The following CDIN1 variants were observed in gnomAD, a reference collection of about 807,000 sequenced individuals.
The protein encoded by CDIN1 is CDAN1-interacting nuclease 1.
CDIN1 carries 33 observed loss-of-function variants against 45.3 expected under a neutral mutation model. That is an observed-to-expected ratio of 0.73 (90% CI 0.55 to 0.97). The LOEUF (loss-of-function observed/expected upper bound fraction) is 0.97, where lower values mean the gene tolerates loss of function less well. Among genes scored for constraint, CDIN1 ranks in the 50% least tolerant of loss-of-function variants. CDIN1 has a pLI of 0.00. For missense variants in CDIN1, 303 were observed against 339.4 expected (o/e 0.89, Z 0.84); for synonymous variants, 118 against 124.4 (o/e 0.95, Z 0.34).
intron 10 of CDIN1, among the ~76,000 whole-genome samples, chr15:36,757,129 A>C (rs544325549): frequency 2.4e-4 from 37 of 152,304 alleles, no homozygotes; most frequent in African/African-American, 8.7e-4. Flanking sequence ...ATGGCTGTGC[A>C]GTACTCAGAG....
At chr15:36,657,715 G>C in intron 4 of CDIN1, 118 bp from the exon 5 acceptor site, 1 of 720,888 alleles carries the variant, frequency 1.4e-6, no homozygotes, top group Non-Finnish European at 2.2e-6. Context: ...AGATTTTAAT[G>C]AATGATGCTT....
intron 4 of CDIN1, 78 bp downstream of exon 4, chr15:36,654,236 A>G (rs1240272700): frequency 3.3e-6 from 4 of 1,217,120 alleles, no homozygotes; most frequent in Non-Finnish European, 2.3e-6. Context: ...GCTTACAATT[A>G]TAACTACCTT....
At position 36,731,312 on chromosome 15, in the gene CDIN1, A is replaced by G. The variant is rs143710915; in HGVS notation, c.716+21351A>G. ...ACCACTTCGAATTGTCAAAATAGGT[A>G]CTTAATTGCCCTTCATCCTTTTCAT... On this transcript the variant is annotated intron_variant, in intron 10 of 10. Coordinates refer to ENST00000566621, the MANE Select transcript of CDIN1 (RefSeq NM_001321759.2). Among the ~76,000 whole-genome samples the G allele has an allele frequency of 3.3e-5, 5 of 152,222 alleles. No homozygotes were observed. The East Asian group carries it at 5.8e-4, about 18-fold the overall frequency.
chr15:36,602,663 T>C (rs188086027), intron 1 of CDIN1, among the ~76,000 whole-genome samples: 1 of 152,152 alleles, frequency 6.6e-6, no homozygotes, highest in African/African-American at 2.4e-5. Flanking sequence ...GGTAAAGTGG[T>C]TCTAAAGTGA....
chr15:36,777,789 T>C (rs2054257517), intron 10 of CDIN1, among the ~76,000 whole-genome samples: 1 of 152,124 alleles, frequency 6.6e-6, no homozygotes, highest in Admixed American at 6.5e-5. Flanking sequence ...TTGTGTATTG[T>C]TTGTAGAGAT....
chr15:36,625,280 CAAA>C (rs899963579), intron 1 of CDIN1, among the ~76,000 whole-genome samples: 3 of 110,636 alleles, frequency 2.7e-5, no homozygotes, highest in Admixed American at 9.0e-5. Context: ...GACCCTGTCT[CAAA>C]AAAAAAAAAA....
chr15:36,676,312 C>A (rs775662343), intron 5 of CDIN1, among the ~76,000 whole-genome samples: 2 of 152,156 alleles, frequency 1.3e-5, no homozygotes, highest in Admixed American at 6.6e-5. Flanking sequence ...TTTGTGCCCC[C>A]TTTCCTTGAA....
At chr15:36,770,441 G>GATTATT (rs60700107) in intron 10 of CDIN1, among the ~76,000 whole-genome samples, 21 of 151,158 alleles carry the variant, frequency 1.4e-4, no homozygotes, top group African/African-American at 3.9e-4. Flanking sequence ...TGATGATGAT[G>GATTATT]ATTATTATTA....
intron 10 of CDIN1, among the ~76,000 whole-genome samples, chr15:36,759,362 T>A (rs1424458537): frequency 6.6e-6 from 1 of 152,176 alleles, no homozygotes; most frequent in Non-Finnish European, 1.5e-5. Flanking sequence ...TTTTGAATTA[T>A]TAGGTCTTGC....
chr15:36,652,425 C>T lies in CDIN1; in HGVS notation c.213-1673C>T, dbSNP rs765208028. 9.7e-4 allele frequency among the ~76,000 whole-genome samples: 147 copies of T among 152,086 alleles called. 3 individuals are homozygous for T. Among genetic ancestry groups the T allele is most frequent in the Admixed American group, 4.9e-3 (75 of 15,270 alleles). The stretch of plus-strand genomic sequence containing the variant: ...AGAATCAGAAACCATAGTAAATACG[C>T]ACTCTTGGTGGTTACAGGCACACAA... On this transcript the variant is annotated intron_variant, in intron 3 of 10. Coordinates refer to ENST00000566621, the MANE Select transcript of CDIN1 (RefSeq NM_001321759.2).
chr15:36,737,683 G>T (rs933923163), intron 10 of CDIN1, among the ~76,000 whole-genome samples: 3 of 152,142 alleles, frequency 2.0e-5, no homozygotes, highest in Non-Finnish European at 4.4e-5. Context: ...GGCTGCTTAT[G>T]AGTCAGAGGA....
chr15:36,750,279 C>T (rs1383835883), intron 10 of CDIN1, among the ~76,000 whole-genome samples: 1 of 152,092 alleles, frequency 6.6e-6, no homozygotes, highest in East Asian at 1.9e-4. Flanking sequence ...TGCAATTTTA[C>T]TCTATAAATC....
At chr15:36,636,495 T>C (rs2039902945) in intron 1 of CDIN1, among the ~76,000 whole-genome samples, 1 of 151,970 alleles carries the variant, frequency 6.6e-6, no homozygotes, top group Admixed American at 6.6e-5. Flanking sequence ...GAGCTTGCAG[T>C]GAGCCGAGAT....
intron 10 of CDIN1, among the ~76,000 whole-genome samples, chr15:36,713,906 A>G (rs1326835972): frequency 6.6e-6 from 1 of 152,018 alleles, no homozygotes; most frequent in African/African-American, 2.4e-5. Context: ...TTACTTGTCA[A>G]CCTCCTCCAA....
chr15:36,798,911 G>C (rs747127791), intron 10 of CDIN1: 1 of 152,212 alleles, frequency 6.6e-6, no homozygotes, highest in Admixed American at 6.5e-5. Flanking sequence ...GAGCAAGTCT[G>C]ATGGTTGATT....
rs1309634362 is a variant in CDIN1 at position 36,809,345 on chromosome 15, G to A, written c.*892G>A. 1 of 160,300 alleles carries A rather than the reference G, an allele frequency of 6.2e-6. No homozygotes were observed. Among genetic ancestry groups the A allele is most frequent in the Non-Finnish European group, 1.4e-5 (1 of 73,116 alleles). The allele number at this position is 160,300 out of a possible 1,614,324, so 9.9% of individuals were successfully genotyped here. A position where few individuals can be genotyped will look rare whatever the true frequency, so the allele number is the denominator to read the frequency against. ...AAAGGCACATTCTGTATACTGCTTA[G>A]TATATGCATTTTATACCATGTAATT... On this transcript the variant is annotated 3_prime_UTR_variant, in exon 11 of 11. Coordinates refer to ENST00000566621, the MANE Select transcript of CDIN1 (RefSeq NM_001321759.2).
chr15:36,797,004 T>G (rs573787670), intron 10 of CDIN1, among the ~76,000 whole-genome samples: 3 of 152,334 alleles, frequency 2.0e-5, no homozygotes, highest in African/African-American at 7.2e-5. Flanking sequence ...ACAGAAACTG[T>G]AAGATTCTCA....
At chr15:36,800,907 GTGTA>G (rs1555410920) in intron 10 of CDIN1, among the ~76,000 whole-genome samples, 38 of 31,614 alleles carry the variant, frequency 1.2e-3, no homozygotes, top group East Asian at 6.6e-3. Flanking sequence ...GTGTGTGTGT[GTGTA>G]TATATATATA....
intron 10 of CDIN1, among the ~76,000 whole-genome samples, chr15:36,806,598 CAG>C (rs1209086009): frequency 6.6e-6 from 1 of 152,050 alleles, no homozygotes; most frequent in Non-Finnish European, 1.5e-5. Flanking sequence ...GGCCGTGACT[CAG>C]GGGTGCTTCA....
Sources: allele counts gnomAD v4.1 joint callset (sites outside exome capture counted in the v4.1 genomes callset), GRCh38; gene constraint gnomAD v4.1.1; transcripts MANE v1.5; gene names NCBI Gene and HGNC (gene_info 2026-07-23, HGNC 2026-07-21).